PKM: variants seen among roughly 807,000 people sequenced by gnomAD.
PKM encodes pyruvate kinase PKM.
A neutral mutation model predicts 49.8 loss-of-function variants in PKM; 18 were observed. The observed-to-expected ratio is 0.36, with a 90% CI of 0.25 to 0.54. The LOEUF is 0.54. Among genes scored for constraint, PKM ranks in the 20% least tolerant of loss-of-function variants. The pLI, the probability that PKM is intolerant of heterozygous loss-of-function variation, is 0.89. For missense variants in PKM, 508 were observed against 713.8 expected (o/e 0.71, Z 3.28); for synonymous variants, 239 against 261.8 (o/e 0.91, Z 0.84).
chr15:72,210,435 C>T lies in PKM; in HGVS notation c.290G>A (p.Ser97Asn), dbSNP rs745524821. 26 of 1,614,080 alleles carry T rather than the reference C, an allele frequency of 1.6e-5. No individual in the cohort carries two copies. The highest frequency in any genetic ancestry group is 1.1e-5 in the South Asian group (1 of 91,088). The change falls in exon 4 of 11, where the codon AGC becomes AAC. Residue 97 changes from serine (S) to asparagine (N), a missense_variant. Physicochemically the swap from Ser to Asn is conservative, Grantham distance 46. Transcript: ENST00000335181. Reference protein sequence around the residue: ...TIKNVRTATESFASDPILYRP... With the variant: ...TIKNVRTATENFASDPILYRP... ...GTAGAGGATGGGGTCAGAAGCAAAG[C>T]TTTCCGTGGCTGTGCGCACATTCTT...
chr15:72,208,458 T>C (rs1203989348), intron 6 of PKM, among the ~76,000 whole-genome samples, 163 bp downstream of exon 6: 1 of 151,852 alleles, frequency 6.6e-6, no homozygotes, highest in Non-Finnish European at 1.5e-5. Context: ...CAAAAAAACA[T>C]AATGCCTTCT....
intron 5 of PKM, chr15:72,209,396 A>AATACATATATATATATATATATAT (rs1268011418): frequency 1.3e-5 from 1 of 78,984 alleles, no homozygotes; most frequent in African/African-American, 6.0e-5. Context: ...CAGCGAAACA[A>AATACATATATATATATATATATAT]ATATATATAT....
At chr15:72,231,390 T>G (rs1250204556), upstream of PKM, 1 of 153,216 alleles carries the variant, frequency 6.5e-6, no homozygotes, top group Non-Finnish European at 1.5e-5. Context: ...TGGGACTAAA[T>G]TCTGCGGCGG....
chr15:72,206,852 C>A lies in PKM; in HGVS notation c.1016G>T (p.Arg339Leu). 6.2e-7 allele frequency: 1 copy of A among 1,614,132 alleles called. No homozygotes were observed. The highest frequency in any genetic ancestry group is 8.5e-7 in the Non-Finnish European group (1 of 1,180,008). The change falls in exon 8 of 11, where the codon CGC becomes CTC. Residue 339 changes from arginine (R) to leucine (L), a missense_variant. Transcript: ENST00000335181. ...QMLESMIKKP[R>L]PTRAEGSDVA... ...ATCACTGCCTTCAGCCCGAGTGGGG[C>A]GGGGCTTCTTGATCATGCTCTCCAG...
chr15:72,200,389 C>A lies in PKM; in HGVS notation c.1489+85G>T. On this transcript the variant is annotated intron_variant, in intron 10 of 10. Transcript: ENST00000335181. This position sits in a 1 kb window ranked among gnomAD's most constrained non-coding sequence, Gnocchi z 4.6. ...AGGTCTGTGTGTTCCCCTTTCTATT[C>A]CCCAAACTTTCGGGGTCCCACAGAA... The A allele has an allele frequency of 7.7e-7, 1 of 1,303,148 alleles. No individual in the cohort carries two copies. The highest frequency in any genetic ancestry group is 1.1e-6 in the Non-Finnish European group (1 of 906,728). The allele number at this position is 1,303,148 out of a possible 1,614,324, so 80.7% of individuals were successfully genotyped here.
chr15:72,214,973 C>A (rs1006033943), intron 3 of PKM, among the ~76,000 whole-genome samples: 2 of 151,316 alleles, frequency 1.3e-5, no homozygotes, highest in African/African-American at 4.9e-5. Flanking sequence ...CCGAGGCAGT[C>A]GGATCACCTG....
chr15:72,225,258 A>G (rs971336919), intron 1 of PKM, among the ~76,000 whole-genome samples: 2 of 151,952 alleles, frequency 1.3e-5, no homozygotes, highest in Non-Finnish European at 2.9e-5. Context: ...TAAAAACAAA[A>G]ACAAGAATTT....
intron 1 of PKM, chr15:72,230,889 G>C: frequency 3.1e-6 from 4 of 1,280,048 alleles, no homozygotes; most frequent in Non-Finnish European, 4.1e-6. Flanking sequence ...GAAAGGAGCC[G>C]GCGGACCCGC....
At chr15:72,212,841 G>A (rs1292924607) in intron 3 of PKM, among the ~76,000 whole-genome samples, 1 of 152,154 alleles carries the variant, frequency 6.6e-6, no homozygotes, top group Non-Finnish European at 1.5e-5. Context: ...GGAGGCCGAG[G>A]AGGGGGGATC....
chr15:72,229,921 AAAAAGAAAGAAAAAAGAAAGG>A (rs2082800338), intron 1 of PKM, among the ~76,000 whole-genome samples: 1 of 98,746 alleles, frequency 1.0e-5, no homozygotes, highest in African/African-American at 3.3e-5. Context: ...TAAAAAAAAA[AAAAAGAAAGAAAAAAGAAAGG>A]AAAAGAAAGA....
At chr15:72,201,607 A>T (rs957505500) in intron 9 of PKM, 1 of 152,330 alleles carries the variant, frequency 6.6e-6, no homozygotes, top group African/African-American at 2.4e-5. Context: ...TAAAATAGCC[A>T]AACAGCAAGA....
rs1397305579 is a variant in PKM at position 72,218,956 on chromosome 15, T to C, written c.142A>G (p.Ile48Val). ...CACACCCACTCACCAATGGTACAGATGATGCCAGTGTTCCGGGCTGTGATG... is the reference window on the plus strand; with the variant it reads ...CACACCCACTCACCAATGGTACAGACGATGCCAGTGTTCCGGGCTGTGATG... ...PPITARNTGI[I>V]CTIGPASRSV... The change falls in exon 2 of 11, where the codon ATC (isoleucine) becomes GTC (valine). Residue 48 changes from isoleucine (I) to valine (V), a missense_variant. Physicochemically the swap from Ile to Val is conservative, Grantham distance 29 (BLOSUM62 3). Coordinates refer to ENST00000335181, the MANE Select transcript of PKM (RefSeq NM_002654.6). 3.7e-6 allele frequency: 6 copies of C among 1,614,182 alleles called. No homozygotes were observed. Among genetic ancestry groups the C allele is most frequent in the Non-Finnish European group, 5.1e-6 (6 of 1,180,022 alleles).
chr15:72,208,099 G>C (rs2082133009), intron 6 of PKM, among the ~76,000 whole-genome samples: 1 of 152,156 alleles, frequency 6.6e-6, no homozygotes, highest in Non-Finnish European at 1.5e-5. Context: ...GAGTGGAATG[G>C]ACCATACCAG....
upstream of PKM, chr15:72,231,551 G>C (rs2856931): frequency 0.99 from 150,673 of 152,592 alleles, 74,426 homozygotes; most frequent in Middle Eastern, 1. Context: ...CAGATGGGGT[G>C]TCTTTTCTTG....
chr15:72,207,097 A>G (rs971775701), intron 7 of PKM, 30 bp downstream of exon 7: 1 of 1,612,612 alleles, frequency 6.2e-7, no homozygotes, highest in Non-Finnish European at 8.5e-7. Flanking sequence ...GAGTGTGCAC[A>G]TGAGAATGTG....
intron 3 of PKM, among the ~76,000 whole-genome samples, chr15:72,211,722 T>G (rs1434046995): frequency 6.7e-6 from 1 of 148,650 alleles, no homozygotes; most frequent in Admixed American, 6.8e-5. Flanking sequence ...GAGGCTGAGG[T>G]GGGTTATGTC....
At chr15:72,224,015 T>A (rs1464372412) in intron 1 of PKM, among the ~76,000 whole-genome samples, 1 of 151,706 alleles carries the variant, frequency 6.6e-6, no homozygotes, top group East Asian at 1.9e-4. Context: ...AACTAGAGTG[T>A]GGAATAGGGA....
intron 1 of PKM, among the ~76,000 whole-genome samples, chr15:72,221,978 T>C (rs1037680): frequency 0.22 from 32,437 of 150,718 alleles, 3,737 homozygotes; most frequent in East Asian, 0.41. Context: ...AACCTGTTAG[T>C]TACATGCCCA....
At chr15:72,199,989 G>A (rs992721227) in intron 10 of PKM, among the ~76,000 whole-genome samples, 1 of 152,214 alleles carries the variant, frequency 6.6e-6, no homozygotes, top group Admixed American at 6.5e-5. Flanking sequence ...CTATCCTGGA[G>A]AGGGTGCAAA....
Sources: gnomAD v4.1 joint callset for allele counts (sites outside exome capture counted in the v4.1 genomes callset) on GRCh38, gnomAD v4.1.1 for gene constraint, Gnocchi (gnomAD v3.1) non-coding constraint, MANE v1.5 for transcripts, NCBI Gene and HGNC (gene_info 2026-07-23, HGNC 2026-07-21) for gene names.